The following TSPAN4 variants were observed in gnomAD, a reference collection of about 807,000 sequenced individuals.
TSPAN4 encodes the protein tetraspanin-4.
In TSPAN4, 38 loss-of-function variants were observed where a neutral mutation model predicts 31.5. That is an observed-to-expected ratio of 1.21 (90% CI 0.93 to 1.58). The LOEUF (loss-of-function observed/expected upper bound fraction) is 1.58. Ranked by LOEUF, TSPAN4 falls within the 40% of genes most tolerant of loss-of-function variation. TSPAN4 has a pLI of 0.00. For missense variants in TSPAN4, 330 were observed against 317.3 expected (o/e 1.04, Z -0.30); for synonymous variants, 186 against 144.6 (o/e 1.29, Z -2.06).
At chr11:845,869 G>A (rs1414164152) in intron 1 of TSPAN4, among the ~76,000 whole-genome samples, 2 of 152,096 alleles carry the variant, frequency 1.3e-5, no homozygotes, top group Non-Finnish European at 1.5e-5. Flanking sequence ...CCAGGGCTCA[G>A]GTTTGGGTGG....
chr11:865,502 C>A lies in TSPAN4; in HGVS notation c.331-11C>A, dbSNP rs547712201. 3 of 1,608,098 alleles carry A rather than the reference C, an allele frequency of 1.9e-6. No individual in the cohort carries two copies. The highest frequency in any genetic ancestry group is 4.5e-5 in the East Asian group (2 of 44,792). On this transcript the variant is annotated splice_polypyrimidine_tract_variant and intron_variant, in intron 5 of 8. Transcript: ENST00000397397. ...TGGGAGGGGCCCTGCTGACCCCCCC[C>A]GCACCCCCAGATTGACAGGTATGCC... is the stretch of plus-strand genomic sequence containing the variant.
At chr11:861,158 C>G (rs1848434401) in intron 3 of TSPAN4, among the ~76,000 whole-genome samples, 1 of 152,208 alleles carries the variant, frequency 6.6e-6, no homozygotes, top group Admixed American at 6.5e-5. Flanking sequence ...CTCGTCTCCC[C>G]CTGCCTCTTC....
At chr11:855,660 A>T (rs146151238) in intron 3 of TSPAN4, among the ~76,000 whole-genome samples, 11 of 152,258 alleles carry the variant, frequency 7.2e-5, no homozygotes, top group Middle Eastern at 6.8e-3. Context: ...ACAGATGGGG[A>T]TGTGGAAACA....
chr11:865,987 A>G lies in TSPAN4; in HGVS notation c.634A>G (p.Thr212Ala). Residue 212 changes from threonine (T) to alanine (A), a missense_variant, in exon 8 of 9, where the codon ACG (threonine) becomes GCG (alanine). Coordinates refer to ENST00000397397, the MANE Select transcript of TSPAN4 (RefSeq NM_003271.5). ...LLAVGIFGLCTALVQILGLTF... is the reference protein window; with the variant it reads ...LLAVGIFGLCAALVQILGLTF... ...GGCTGTGGGCATCTTTGGGCTGTGC[A>G]CGGCGCTGGTGCAGGTATGGCCTGG... The G allele has an allele frequency of 1.2e-6, 2 of 1,612,180 alleles. No individual in the cohort carries two copies. The highest frequency in any genetic ancestry group is 1.7e-6 in the Non-Finnish European group (2 of 1,179,974).
Position 850,330 on chromosome 11 carries a change from T to G in TSPAN4, c.26T>G (p.Val9Gly), listed in dbSNP as rs1264444059. 2 of 1,607,336 alleles carry G rather than the reference T, an allele frequency of 1.2e-6. No individual in the cohort carries two copies. Among genetic ancestry groups the G allele is most frequent in the Non-Finnish European group, 1.7e-6 (2 of 1,179,142 alleles). Reference protein sequence around the residue: MARACLQAVKYLMFAFNLL... With the variant: MARACLQAGKYLMFAFNLL... ...ATGGCGCGCGCCTGCCTCCAGGCCGTCAAGTACCTCATGTTCGCCTTCAAC... is the reference window on the plus strand; with the variant it reads ...ATGGCGCGCGCCTGCCTCCAGGCCGGCAAGTACCTCATGTTCGCCTTCAAC... Residue 9 changes from valine (V) to glycine (G), a missense_variant, in exon 3 of 9, where the codon GTC (valine) becomes GGC (glycine). By Grantham distance (109) the Val-to-Gly change is moderately radical (BLOSUM62 -3). Transcript: ENST00000397397.
At chr11:861,473 G>A (rs1194837526) in intron 3 of TSPAN4, among the ~76,000 whole-genome samples, 1 of 152,226 alleles carries the variant, frequency 6.6e-6, no homozygotes, top group African/African-American at 2.4e-5. Flanking sequence ...AGCACTTTGG[G>A]AGGTCGAGGT....
chr11:844,599 T>G (rs1590218376), intron 1 of TSPAN4: 4 of 96,602 alleles, frequency 4.1e-5, no homozygotes, highest in East Asian at 3.5e-4. Flanking sequence ...CAAGCGGGGG[T>G]GGGAGGGAGC....
intron 3 of TSPAN4, among the ~76,000 whole-genome samples, chr11:855,412 C>G (rs943710988): frequency 6.6e-6 from 1 of 152,236 alleles, no homozygotes; most frequent in Non-Finnish European, 1.5e-5. Context: ...GCACCCACAG[C>G]CCCGCTGGGT....
At chr11:864,179 G>A (rs868715704) in intron 4 of TSPAN4, 7 of 570,072 alleles carry the variant, frequency 1.2e-5, no homozygotes, top group Non-Finnish European at 1.6e-5. Context: ...AGGGATGGGG[G>A]CAGGGGAGGG....
intron 3 of TSPAN4, among the ~76,000 whole-genome samples, chr11:860,997 G>A (rs888869550): frequency 1.3e-5 from 2 of 152,130 alleles, no homozygotes; most frequent in Admixed American, 6.5e-5. Flanking sequence ...TGCTTGTCCC[G>A]TGCCCAGGCC....
chr11:846,580 T>G (rs1162676876), intron 1 of TSPAN4, among the ~76,000 whole-genome samples: 1 of 152,116 alleles, frequency 6.6e-6, no homozygotes, highest in African/African-American at 2.4e-5. Context: ...TTGGGGCCTC[T>G]CCCTGGCCAG....
chr11:862,930 G>C (rs1848547055), intron 4 of TSPAN4, 189 bp downstream of exon 4: 1 of 626,920 alleles, frequency 1.6e-6, no homozygotes, highest in Non-Finnish European at 2.7e-6. Context: ...CTGGGGCTGG[G>C]GGGTGATTTG....
intron 4 of TSPAN4, 173 bp downstream of exon 4, chr11:862,914 G>A (rs907682070): frequency 4.5e-6 from 3 of 661,980 alleles, no homozygotes; most frequent in Non-Finnish European, 5.0e-6. Context: ...GGTCTTCCAG[G>A]CCACACTGGG....
At chr11:864,397 C>A (rs376009459) in intron 4 of TSPAN4, 40 bp from the exon 5 acceptor site, 10 of 1,607,226 alleles carry the variant, frequency 6.2e-6, no homozygotes, top group Admixed American at 1.7e-5. Context: ...GGAGGCTGTG[C>A]GGCCTTTCGG....
Position 866,866 on chromosome 11 carries a change from C to T in TSPAN4, c.*236C>T. 2.0e-6 allele frequency: 1 copy of T among 505,660 alleles called. No individual in the cohort carries two copies. The highest frequency in any genetic ancestry group is 3.5e-6 in the Non-Finnish European group (1 of 284,490). 31.3% of individuals were successfully genotyped at this position (505,660 alleles called of 1,614,324 possible). A position where few individuals can be genotyped will look rare whatever the true frequency, so the allele number is the denominator to read the frequency against. On this transcript the variant is annotated 3_prime_UTR_variant, in exon 9 of 9. Transcript: ENST00000397397. ...CACGTGCTGGCTGCGGAACCCAGGGCAGGGGTGGGAGGGGCCTCCAGCACT... is the reference window on the plus strand; with the variant it reads ...CACGTGCTGGCTGCGGAACCCAGGGTAGGGGTGGGAGGGGCCTCCAGCACT...
chr11:856,709 T>A (rs986419544), intron 3 of TSPAN4, among the ~76,000 whole-genome samples: 4 of 152,214 alleles, frequency 2.6e-5, no homozygotes, highest in African/African-American at 9.6e-5. Flanking sequence ...CCCTAGCTGC[T>A]CCCCATCTGG....
At chr11:849,829 G>T (rs1295520232) in intron 2 of TSPAN4, 1 of 147,302 alleles carries the variant, frequency 6.8e-6, no homozygotes, top group Non-Finnish European at 1.5e-5. Context: ...GGTCGGGGGC[G>T]CGGGGGCCGC....
intron 1 of TSPAN4, chr11:843,564 G>A (rs1379664866): frequency 1.3e-5 from 2 of 152,310 alleles, no homozygotes; most frequent in African/African-American, 4.8e-5. Context: ...GGCTTGCCCT[G>A]GAGCTCAGGG....
intron 3 of TSPAN4, among the ~76,000 whole-genome samples, chr11:850,717 G>C (rs1445911621): frequency 1.3e-5 from 2 of 152,232 alleles, no homozygotes; most frequent in African/African-American, 2.4e-5. Flanking sequence ...GTCGGGGTTC[G>C]AGTCCGGGTC....
Sources: allele counts gnomAD v4.1 joint callset (sites outside exome capture counted in the v4.1 genomes callset), GRCh38; gene constraint gnomAD v4.1.1; transcripts MANE v1.5; gene names NCBI Gene and HGNC (gene_info 2026-07-23, HGNC 2026-07-21).